ROBO1: variants seen among roughly 807,000 people sequenced by gnomAD.
ROBO1 encodes roundabout homolog 1.
A neutral mutation model predicts 195.9 loss-of-function variants in ROBO1; 149 were observed. That is an observed-to-expected ratio of 0.76 (90% confidence interval 0.67 to 0.87). The LOEUF (loss-of-function observed/expected upper bound fraction) is 0.87. Among genes scored for constraint, ROBO1 ranks in the 40% least tolerant of loss-of-function variants. ROBO1 has a pLI of 0.00. For missense variants in ROBO1, 1,933 were observed against 2,068.3 expected (o/e 0.93, Z 1.27); for synonymous variants, 816 against 733.2 (o/e 1.11, Z -1.82).
At chr3:78,760,659 T>C (rs966704091) in intron 4 of ROBO1, among the ~76,000 whole-genome samples, 4 of 152,188 alleles carry the variant, frequency 2.6e-5, no homozygotes, top group African/African-American at 4.8e-5. Context: ...GTTGCTGTTT[T>C]GAGTCAGGGT....
chr3:78,788,835 A>T (rs930764705), intron 4 of ROBO1, among the ~76,000 whole-genome samples: 1 of 152,204 alleles, frequency 6.6e-6, no homozygotes, highest in Non-Finnish European at 1.5e-5. Context: ...ATAAATTAGA[A>T]AAATGATATC....
intron 3 of ROBO1, among the ~76,000 whole-genome samples, chr3:79,106,214 T>C (rs1242075792): frequency 1.3e-5 from 2 of 151,760 alleles, no homozygotes; most frequent in Non-Finnish European, 3.0e-5. Context: ...TATTATTGTT[T>C]TGCTAGTTAA....
At chr3:79,153,397 C>T (rs1345197261) in intron 2 of ROBO1, among the ~76,000 whole-genome samples, 1 of 151,624 alleles carries the variant, frequency 6.6e-6, no homozygotes, top group Admixed American at 6.6e-5. Flanking sequence ...GCTCCATGTT[C>T]CAAGCAATTT....
At chr3:79,002,140 A>G (rs1270623074) in intron 3 of ROBO1, among the ~76,000 whole-genome samples, 5 of 152,154 alleles carry the variant, frequency 3.3e-5, no homozygotes, top group Admixed American at 3.3e-4. Context: ...GGCCTCCCTG[A>G]TAAACTGACC....
At chr3:79,204,632 C>T (rs2108786745) in intron 2 of ROBO1, among the ~76,000 whole-genome samples, 1 of 152,258 alleles carries the variant, frequency 6.6e-6, no homozygotes, top group East Asian at 1.9e-4. Flanking sequence ...GATTGCTTTT[C>T]AGGATGACTG....
At chr3:79,550,037 A>G (rs764421692) in intron 2 of ROBO1, among the ~76,000 whole-genome samples, 1 of 151,882 alleles carries the variant, frequency 6.6e-6, no homozygotes, top group African/African-American at 2.4e-5. Context: ...AGGCAGGAGG[A>G]TCACTTAAGC....
intron 4 of ROBO1, among the ~76,000 whole-genome samples, chr3:78,811,321 A>C (rs1300494174): frequency 6.6e-6 from 1 of 152,192 alleles, no homozygotes; most frequent in Non-Finnish European, 1.5e-5. Flanking sequence ...TTCTAGTGTA[A>C]TTAGAGGCAA....
At chr3:78,939,282 T>C (rs2039990882) in intron 3 of ROBO1, among the ~76,000 whole-genome samples, 1 of 152,126 alleles carries the variant, frequency 6.6e-6, no homozygotes, top group African/African-American at 2.4e-5. Context: ...CACGGTTCCC[T>C]GGAACCTCCT....
chr3:79,552,092 AG>A (rs1289674926), intron 2 of ROBO1, among the ~76,000 whole-genome samples: 5 of 150,236 alleles, frequency 3.3e-5, no homozygotes, highest in Admixed American at 2.0e-4. Flanking sequence ...TTAAAACTGT[AG>A]CCTAGCTCAA....
intron 1 of ROBO1, among the ~76,000 whole-genome samples, chr3:79,758,722 C>T (rs1216766187): frequency 6.6e-6 from 1 of 151,898 alleles, no homozygotes; most frequent in African/African-American, 2.4e-5. Context: ...GTAAAGTGTA[C>T]CTTGTATTGT....
chr3:78,649,109 T>C (rs540827938), intron 19 of ROBO1, among the ~76,000 whole-genome samples: 5 of 143,394 alleles, frequency 3.5e-5, no homozygotes, highest in East Asian at 2.0e-4. Flanking sequence ...TTCAGAGCCA[T>C]AGTAACAAGT....
chr3:78,643,248 C>A (rs1431241821), intron 21 of ROBO1, among the ~76,000 whole-genome samples: 1 of 152,092 alleles, frequency 6.6e-6, no homozygotes, highest in Non-Finnish European at 1.5e-5. Flanking sequence ...CAAACACAGT[C>A]ATAGAAAATA....
intron 10 of ROBO1, among the ~76,000 whole-genome samples, chr3:78,676,567 G>C (rs1182797450): frequency 2.0e-5 from 3 of 152,282 alleles, no homozygotes; most frequent in East Asian, 1.9e-4. Flanking sequence ...CTGGAAGAAA[G>C]GGTATCAGTG....
chr3:78,915,861 C>T (rs1448772664), intron 4 of ROBO1, among the ~76,000 whole-genome samples: 2 of 152,090 alleles, frequency 1.3e-5, no homozygotes, highest in Admixed American at 1.3e-4. Context: ...TCTCACTATG[C>T]TGCCCAGGTT....
intron 4 of ROBO1, among the ~76,000 whole-genome samples, chr3:78,926,448 T>C (rs1374842141): frequency 6.6e-6 from 1 of 152,110 alleles, no homozygotes; most frequent in Non-Finnish European, 1.5e-5. Context: ...CAGCAAGACC[T>C]GAGGCTCAAC....
chr3:79,286,152 T>C (rs929151769), intron 2 of ROBO1, among the ~76,000 whole-genome samples: 1 of 152,192 alleles, frequency 6.6e-6, no homozygotes, highest in Non-Finnish European at 1.5e-5. Context: ...TAAACAACTA[T>C]AGTTAATGAA....
intron 1 of ROBO1, among the ~76,000 whole-genome samples, chr3:79,689,033 G>C (rs1947222546): frequency 6.6e-6 from 1 of 151,760 alleles, no homozygotes; most frequent in Admixed American, 6.6e-5. Context: ...ACATTGTCAA[G>C]TTTCAATTTC....
At chr3:79,168,402 A>C (rs988445685) in intron 2 of ROBO1, among the ~76,000 whole-genome samples, 1 of 152,130 alleles carries the variant, frequency 6.6e-6, no homozygotes, top group South Asian at 2.1e-4. Flanking sequence ...ATCATAATTC[A>C]AAGCTAAAGT....
At chr3:79,767,302 C>G (rs1376227288) in intron 1 of ROBO1, among the ~76,000 whole-genome samples, 5 of 152,126 alleles carry the variant, frequency 3.3e-5, no homozygotes, top group African/African-American at 1.2e-4. Context: ...CGGCCCCAGC[C>G]CACTACACCG....
Sources: allele counts gnomAD v4.1 joint callset (sites outside exome capture counted in the v4.1 genomes callset), GRCh38; gene constraint gnomAD v4.1.1; transcripts MANE v1.5; gene names NCBI Gene and HGNC (gene_info 2026-07-23, HGNC 2026-07-21).